LAMC3: variants seen among roughly 807,000 people sequenced by gnomAD.
LAMC3 encodes the protein laminin subunit gamma 3.
In LAMC3, 128 loss-of-function variants were observed where a neutral mutation model predicts 173.8. The ratio of observed to expected loss-of-function variants is 0.74; its 90% CI spans 0.64 to 0.85. The LOEUF is 0.85. Among genes scored for constraint, LAMC3 ranks in the 40% least tolerant of loss-of-function variants. LAMC3 has a pLI of 0.00. For synonymous variants in LAMC3, 897 were observed against 909.1 expected, an observed-to-expected ratio of 0.99 and a Z score of 0.24; for missense variants, 2,022 against 2,156.0, an observed-to-expected ratio of 0.94 and a Z score of 1.23.
chr9:131,068,045 G>T (rs1253559179), intron 14 of LAMC3, 33 bp from the exon 15 acceptor site: 1 of 1,604,270 alleles, frequency 6.2e-7, no homozygotes, highest in Non-Finnish European at 8.5e-7. Flanking sequence ...AATCTGCATT[G>T]TTCCCAACAC....
chr9:131,041,598 C>T, intron 6 of LAMC3, 39 bp from the exon 7 acceptor site: 3 of 1,575,956 alleles, frequency 1.9e-6, no homozygotes, highest in Non-Finnish European at 2.6e-6. Flanking sequence ...TCTGAATTTG[C>T]TCATTGCACA....
Position 131,085,620 on chromosome 9 carries a change from A to G in LAMC3, c.4127A>G (p.Lys1376Arg), listed in dbSNP as rs200336679. The G allele has an allele frequency of 6.2e-7, 1 of 1,614,068 alleles. No individual in the cohort carries two copies. The highest frequency in any genetic ancestry group is 1.3e-5 in the African/African-American group (1 of 74,946). ...AGACTCCTTGCAGACACGAGAAAGAAGACCAAGCAGGCGGAGAGGATGCTG... is the reference window on the plus strand; with the variant it reads ...AGACTCCTTGCAGACACGAGAAAGAGGACCAAGCAGGCGGAGAGGATGCTG... ...SDRLLADTRK[K>R]TKQAERMLGN... The change falls in exon 25 of 28, where the codon AAG becomes AGG. Residue 1376 changes from lysine to arginine, a missense_variant. Physicochemically the swap from Lys to Arg is conservative, Grantham distance 26. Coordinates refer to ENST00000361069, the MANE Select transcript of LAMC3 (RefSeq NM_006059.4).
At chr9:131,063,679 C>G (rs774784175) in intron 13 of LAMC3, among the ~76,000 whole-genome samples, 63 of 152,212 alleles carry the variant, frequency 4.1e-4, no homozygotes, top group Non-Finnish European at 7.9e-4. Flanking sequence ...ACTTCCAGAG[C>G]TGCCTCCTGC....
chr9:131,009,182 C>A lies in LAMC3; in HGVS notation c.-33C>A. 7 of 1,178,848 alleles carry A rather than the reference C, an allele frequency of 5.9e-6. No individual in the cohort carries two copies. Among genetic ancestry groups the A allele is most frequent in the Non-Finnish European group, 7.3e-6 (7 of 956,316 alleles). 73.0% of individuals were successfully genotyped at this position (1,178,848 alleles called of 1,614,324 possible). A position where few individuals can be genotyped will look rare whatever the true frequency, so the allele number is the denominator to read the frequency against. On this transcript the variant is annotated 5_prime_UTR_variant, in exon 1 of 28. Coordinates refer to ENST00000361069, the MANE Select transcript of LAMC3 (RefSeq NM_006059.4). This position sits in a 1 kb window ranked among gnomAD's most constrained non-coding sequence, Gnocchi z 4.3. ...CCGCGCCCACCCTAGCCGAGCGGGGCCGGCAGAGCGCGCGGCGTCGGTGCC... is the reference window on the plus strand; with the variant it reads ...CCGCGCCCACCCTAGCCGAGCGGGGACGGCAGAGCGCGCGGCGTCGGTGCC...
intron 27 of LAMC3, among the ~76,000 whole-genome samples, chr9:131,089,187 AG>A (rs1830380807): frequency 1.7e-5 from 1 of 59,530 alleles, no homozygotes; most frequent in Non-Finnish European, 3.0e-5. Flanking sequence ...GGGTGGGGGG[AG>A]GGGGGAGGGA....
chr9:131,037,801 C>A (rs1833972392), intron 4 of LAMC3, among the ~76,000 whole-genome samples: 1 of 152,220 alleles, frequency 6.6e-6, no homozygotes, highest in Non-Finnish European at 1.5e-5. Context: ...CCAAGACTTT[C>A]TAAAGGACAA....
intron 4 of LAMC3, 56 bp downstream of exon 4, chr9:131,036,388 G>C: frequency 6.2e-7 from 1 of 1,601,374 alleles, no homozygotes; most frequent in Non-Finnish European, 8.5e-7. Flanking sequence ...TTGCAGGCGG[G>C]GAAAGGAACT....
In LAMC3 at chr9:131,050,982, G is replaced by A. The variant is rs1322208865; in HGVS notation, c.1631-1509G>A. ...CTGGAGGCCGAATCGGAGTGCAGCCGGGGCATGTGGCCACCAGCTCCCGGG... is the reference window on the plus strand; with the variant it reads ...CTGGAGGCCGAATCGGAGTGCAGCCAGGGCATGTGGCCACCAGCTCCCGGG... On this transcript the variant is annotated intron_variant, in intron 9 of 27. Coordinates refer to ENST00000361069, the MANE Select transcript of LAMC3 (RefSeq NM_006059.4). Among the ~76,000 whole-genome samples, 4 of 152,062 alleles carry A rather than the reference G, an allele frequency of 2.6e-5. No homozygotes were observed. In the South Asian group the frequency reaches 6.2e-4, roughly 24 times the overall value.
chr9:131,085,571 A>G lies in LAMC3; in HGVS notation c.4078A>G (p.Arg1360Gly). 6.2e-7 allele frequency: 1 copy of G among 1,614,116 alleles called. No individual in the cohort carries two copies. Among genetic ancestry groups the G allele is most frequent in the Non-Finnish European group, 8.5e-7 (1 of 1,180,028 alleles). The part of the protein sequence containing the change: ...PRPKDQAALQ[R>G]KADSVSDRLL... The stretch of plus-strand genomic sequence containing the variant: ...GCCCAAGGACCAGGCGGCATTGCAG[A>G]GGAAGGCAGACTCCGTCAGTGACAG... Residue 1360 changes from arginine (R) to glycine (G), a missense_variant, in exon 25 of 28, where the codon AGG (arginine) becomes GGG (glycine). Coordinates refer to ENST00000361069, the MANE Select transcript of LAMC3 (RefSeq NM_006059.4).
Position 131,079,056 on chromosome 9 carries a change from C to T in LAMC3, c.3778-93C>T, listed in dbSNP as rs746823728. The T allele has an allele frequency of 4.9e-5, 73 of 1,500,918 alleles. No individual in the cohort carries two copies. In the Admixed American group the frequency reaches 7.5e-4, roughly 15 times the overall value. 93.0% of individuals were successfully genotyped at this position (1,500,918 alleles called of 1,614,324 possible). Reference sequence around the variant, plus strand: ...GGCTGGCAGCCAGGGGCAGACCCGCCGCCTCAGCCCAGCAGGGCACCTCCC... The same window carrying T: ...GGCTGGCAGCCAGGGGCAGACCCGCTGCCTCAGCCCAGCAGGGCACCTCCC... On this transcript the variant is annotated intron_variant, in intron 22 of 27. Coordinates refer to ENST00000361069, the MANE Select transcript of LAMC3 (RefSeq NM_006059.4).
At position 131,029,603 on chromosome 9, in the gene LAMC3, C is replaced by T. The variant is rs1833791371; in HGVS notation, c.679-2442C>T. Among the ~76,000 whole-genome samples, 1 of 152,242 alleles carries T rather than the reference C, an allele frequency of 6.6e-6. No homozygotes were observed. The highest frequency in any genetic ancestry group is 2.1e-4 in the South Asian group (1 of 4,836). Reference sequence around the variant, plus strand: ...CAAGTCTACCTTGCTCTTTTCTCCTCATGCTCCCTCTGGACACATTTAGGG... The same window carrying T: ...CAAGTCTACCTTGCTCTTTTCTCCTTATGCTCCCTCTGGACACATTTAGGG... On this transcript the variant is annotated intron_variant, in intron 2 of 27. Coordinates refer to ENST00000361069, the MANE Select transcript of LAMC3 (RefSeq NM_006059.4). This position sits in a 1 kb window ranked among gnomAD's most constrained non-coding sequence, Gnocchi z 4.6.
In LAMC3 at chr9:131,073,261, G is replaced by A. The variant is rs1489211571; in HGVS notation, c.3434G>A (p.Gly1145Asp). Residue 1145 changes from glycine to aspartate, a missense_variant, in exon 20 of 28, where the codon GGT becomes GAT. Transcript: ENST00000361069. ...ILASLEIPQE[G>D]PSQPTKWSHL... is the part of the protein sequence containing the mutation. ...TTTCTACAGGAGATTCCTCAGGAAG[G>A]TCCCAGTCAGCCGACCAAATGGAGC... 2 of 1,613,440 alleles carry A rather than the reference G, an allele frequency of 1.2e-6. No individual in the cohort carries two copies. Among genetic ancestry groups the A allele is most frequent in the South Asian group, 2.2e-5 (2 of 91,076 alleles).
intron 1 of LAMC3, among the ~76,000 whole-genome samples, chr9:131,010,859 C>A (rs932155901): frequency 2.6e-5 from 4 of 152,182 alleles, no homozygotes; most frequent in African/African-American, 7.2e-5. Flanking sequence ...CTGCAGGGAG[C>A]TGGAATGCTC....
At chr9:131,041,004 G>A (rs1278357881) in intron 6 of LAMC3, among the ~76,000 whole-genome samples, 3 of 152,152 alleles carry the variant, frequency 2.0e-5, no homozygotes, top group Admixed American at 2.0e-4. Flanking sequence ...TGAATGGGTG[G>A]ATAGGTGGCT....
intron 1 of LAMC3, among the ~76,000 whole-genome samples, chr9:131,015,228 C>T (rs941457367): frequency 2.0e-5 from 3 of 152,158 alleles, no homozygotes; most frequent in Middle Eastern, 3.2e-3. Context: ...TGTGTTTCCT[C>T]GCTCAGAGCA....
intron 4 of LAMC3, among the ~76,000 whole-genome samples, chr9:131,037,025 A>G (rs12555246): frequency 0.81 from 123,629 of 152,226 alleles, 50,728 homozygotes; most frequent in African/African-American, 0.93. Flanking sequence ...TGGCCTCTGG[A>G]CCCCGCTGTC....
rs1010987113 is a variant in LAMC3, at chr9:131,077,180, C to A, written c.3630-7C>A. ...CACCCAGCTCCGTGGCCTCTGCTTC[C>A]TCCCAGGTACCAGGAGGTCCAGGCG... On this transcript the variant is annotated splice_polypyrimidine_tract_variant and splice_region_variant and intron_variant, in intron 21 of 27. Coordinates refer to ENST00000361069, the MANE Select transcript of LAMC3 (RefSeq NM_006059.4). 1.7e-5 allele frequency: 27 copies of A among 1,613,186 alleles called. No homozygotes were observed. The highest frequency in any genetic ancestry group is 3.3e-4 in the Middle Eastern group (2 of 6,084).
chr9:131,091,181 G>C (rs1830418290), intron 27 of LAMC3, among the ~76,000 whole-genome samples: 1 of 152,252 alleles, frequency 6.6e-6, no homozygotes. Flanking sequence ...GCATGTTCAA[G>C]CTGGCAAAAA....
At chr9:131,032,453 CCCTT>C (rs1833843335) in intron 3 of LAMC3, among the ~76,000 whole-genome samples, 2 of 151,438 alleles carry the variant, frequency 1.3e-5, no homozygotes, top group South Asian at 4.2e-4. Flanking sequence ...CTCCCTCCCT[CCCTT>C]CCTCCCTTCG....
Sources: gnomAD v4.1 joint callset for allele counts (sites outside exome capture counted in the v4.1 genomes callset) on GRCh38, gnomAD v4.1.1 for gene constraint, Gnocchi (gnomAD v3.1) non-coding constraint, MANE v1.5 for transcripts, NCBI Gene and HGNC (gene_info 2026-07-23, HGNC 2026-07-21) for gene names.